The following CNST variants were observed in gnomAD, a reference collection of about 807,000 sequenced individuals.
CNST encodes the protein consortin, connexin sorting protein, also known as consortin.
Under a neutral mutation model 72.4 loss-of-function variants are expected in CNST, and 39 were observed. That is an observed-to-expected ratio of 0.54 (90% CI 0.42 to 0.70). The LOEUF (loss-of-function observed/expected upper bound fraction) is 0.70. Ranked by LOEUF, CNST falls within the 30% of genes least tolerant of loss-of-function variation. CNST has a pLI of 0.00. For missense variants in CNST, 871 were observed against 868.5 expected (o/e 1.00, Z -0.04); for synonymous variants, 332 against 320.1 (o/e 1.04, Z -0.40).
At chr1:246,644,510 A>G (rs1436328228) in intron 8 of CNST, among the ~76,000 whole-genome samples, 1 of 152,060 alleles carries the variant, frequency 6.6e-6, no homozygotes, top group African/African-American at 2.4e-5. Flanking sequence ...TCCGCCCTCC[A>G]GTTGCCAGGG....
intron 1 of CNST, among the ~76,000 whole-genome samples, chr1:246,587,350 T>C (rs1483944911): frequency 6.6e-6 from 1 of 152,260 alleles, no homozygotes; most frequent in African/African-American, 2.4e-5. Flanking sequence ...TTTGCCATTG[T>C]ATTTTCAAGA....
intron 1 of CNST, among the ~76,000 whole-genome samples, chr1:246,576,425 T>A (rs575119262): frequency 6.7e-6 from 1 of 149,640 alleles, no homozygotes. Context: ...TTTTTTTGCA[T>A]GTCATAATTC....
intron 2 of CNST, chr1:246,605,840 G>T (rs1662737254): frequency 7.7e-6 from 1 of 129,520 alleles, no homozygotes; most frequent in African/African-American, 2.7e-5. Context: ...GTGTCTTCCG[G>T]CCGGGGTGCG....
chr1:246,648,187 T>A, intron 9 of CNST, 150 bp downstream of exon 9: 2 of 1,419,416 alleles, frequency 1.4e-6, no homozygotes, highest in Middle Eastern at 2.6e-4. Context: ...ATTAGTAGTT[T>A]TTACATTTGT....
intron 2 of CNST, among the ~76,000 whole-genome samples, chr1:246,596,081 A>G (rs1239834961): frequency 1.3e-5 from 2 of 152,128 alleles, no homozygotes; most frequent in African/African-American, 4.8e-5. Flanking sequence ...AATCCCCTTG[A>G]TATGCTTAAC....
rs1553384197 is a variant in CNST at position 246,645,429 on chromosome 1, T to TTTA, written c.938-1708_938-1707insATT. On this transcript the variant is annotated intron_variant, in intron 8 of 10. Transcript: ENST00000366513. ...TTAGTATAAAAAGGTTAAAACTTTT[T>TTTA]TTTTTTTTTTTTTTTTGAGATGGAG... 8.3e-4 allele frequency among the ~76,000 whole-genome samples: 68 copies of TTTA among 82,408 alleles called. 1 individual carries two copies. In the East Asian group the frequency reaches 0.022, roughly 27 times the overall value. The allele number at this position is 82,408 out of a possible 152,430, so 54.1% of individuals were successfully genotyped here.
At chr1:246,646,152 C>T (rs1023783447) in intron 8 of CNST, among the ~76,000 whole-genome samples, 17 of 151,142 alleles carry the variant, frequency 1.1e-4, no homozygotes, top group Non-Finnish European at 1.8e-4. Context: ...AGGTGGCGGG[C>T]GCCTGTAGTC....
intron 3 of CNST, among the ~76,000 whole-genome samples, chr1:246,626,133 T>G (rs924624885): frequency 1.6e-4 from 24 of 151,588 alleles, no homozygotes; most frequent in African/African-American, 5.8e-4. Flanking sequence ...CACTGCAGCC[T>G]CCACCTCACG....
At chr1:246,643,514 C>CT (rs1355075457) in intron 8 of CNST, among the ~76,000 whole-genome samples, 3 of 152,188 alleles carry the variant, frequency 2.0e-5, no homozygotes, top group African/African-American at 7.2e-5. Context: ...CCTCCTCCTG[C>CT]TTGGCCTCTG....
intron 2 of CNST, among the ~76,000 whole-genome samples, chr1:246,605,721 CCGGGGTAG>C (rs1558550151): frequency 2.7e-5 from 3 of 110,226 alleles, no homozygotes; most frequent in South Asian, 3.2e-4. Context: ...TGTCTTCCGG[CCGGGGTAG>C]GTGTCTTCCG....
At chr1:246,601,726 G>A (rs868115694) in intron 2 of CNST, among the ~76,000 whole-genome samples, 2 of 152,228 alleles carry the variant, frequency 1.3e-5, no homozygotes, top group Non-Finnish European at 2.9e-5. Context: ...CCTGGGAGGC[G>A]GAGGTTGCAG....
chr1:246,608,713 A>G (rs1269935582), intron 2 of CNST, among the ~76,000 whole-genome samples: 1 of 152,172 alleles, frequency 6.6e-6, no homozygotes, highest in African/African-American at 2.4e-5. Flanking sequence ...TTAGCAGCCT[A>G]AGGGAGCTCT....
intron 2 of CNST, among the ~76,000 whole-genome samples, chr1:246,617,999 C>G (rs565216870): frequency 6.6e-6 from 1 of 152,098 alleles, no homozygotes; most frequent in African/African-American, 2.4e-5. Context: ...AGTTTTCTTG[C>G]CTGAAAAGCA....
chr1:246,637,207 G>C (rs974123368), intron 6 of CNST, among the ~76,000 whole-genome samples: 1 of 152,190 alleles, frequency 6.6e-6, no homozygotes, highest in South Asian at 2.1e-4. Context: ...ACCCTGGTAC[G>C]ATGGACCCAG....
At position 246,647,498 on chromosome 1, in the gene CNST, C is replaced by G. The variant is rs535285558; in HGVS notation, c.1297C>G (p.Pro433Ala). The G allele has an allele frequency of 3.1e-6, 5 of 1,614,182 alleles. No individual in the cohort carries two copies. The East Asian group carries it at 1.1e-4, about 36-fold the overall frequency. The change falls in exon 9 of 11, where the codon CCG becomes GCG. Residue 433 changes from proline to alanine, a missense_variant. Pro to Ala is a conservative substitution (Grantham distance 27). Transcript: ENST00000366513. ...TCTTTCCAGCAAGTCAAAGACAGAGCCGTTGATTTCACCAGGCTGTGACCG... is the reference window on the plus strand; with the variant it reads ...TCTTTCCAGCAAGTCAAAGACAGAGGCGTTGATTTCACCAGGCTGTGACCG... ...VFLSSKSKTEPLISPGCDRIP... is the reference protein window; with the variant it reads ...VFLSSKSKTEALISPGCDRIP...
Position 246,660,203 on chromosome 1 carries a change from T to A in CNST, c.1841T>A (p.Val614Asp). The A allele has an allele frequency of 6.2e-7, 1 of 1,607,414 alleles. No homozygotes were observed. The highest frequency in any genetic ancestry group is 8.5e-7 in the Non-Finnish European group (1 of 1,177,670). ...GGTTCTTATAATTTCTGACAGGTTG[T>A]TCCTACTGAAGGATTGGTCTCCATA... ...LAKRIEIAEV[V>D]PTEGLVSILK... Residue 614 changes from valine to aspartate, a missense_variant, in exon 10 of 11, where the codon GTT becomes GAT. Transcript: ENST00000366513.
At position 246,647,463 on chromosome 1, in the gene CNST, C is replaced by G. The variant is rs1666170196; in HGVS notation, c.1262C>G (p.Pro421Arg). 1 of 1,614,152 alleles carries G rather than the reference C, an allele frequency of 6.2e-7. No homozygotes were observed. The highest frequency in any genetic ancestry group is 8.5e-7 in the Non-Finnish European group (1 of 1,180,030). ...VARIEGIAEDPKVFLSSKSKT... is the reference protein window; with the variant it reads ...VARIEGIAEDRKVFLSSKSKT... ...AGAATAGAGGGCATTGCTGAAGACC[C>G]TAAGGTGTTTCTTTCCAGCAAGTCA... Residue 421 changes from proline (P) to arginine (R), a missense_variant, in exon 9 of 11, where the codon CCT (proline) becomes CGT (arginine). Physicochemically the swap from Pro to Arg is moderately radical, Grantham distance 103. Coordinates refer to ENST00000366513, the MANE Select transcript of CNST (RefSeq NM_152609.3).
intron 2 of CNST, chr1:246,605,727 TAGGTGTCTTCCGGCC>T (rs1558550161): frequency 9.1e-6 from 1 of 109,686 alleles, no homozygotes; most frequent in East Asian, 3.2e-4. Flanking sequence ...CCGGCCGGGG[TAGGTGTCTTCCGGCC>T]GGGGTGCGTG....
At chr1:246,648,207 A>G (rs556772971) in intron 9 of CNST, 170 bp downstream of exon 9, 1 of 1,398,340 alleles carries the variant, frequency 7.2e-7, no homozygotes, top group African/African-American at 1.4e-5. Flanking sequence ...TATGTATTGA[A>G]TAAAATGACT....
Sources: allele counts gnomAD v4.1 joint callset (sites outside exome capture counted in the v4.1 genomes callset), GRCh38; gene constraint gnomAD v4.1.1; transcripts MANE v1.5; gene names NCBI Gene and HGNC (gene_info 2026-07-23, HGNC 2026-07-21).